Variants in DCC observed in about 807,000 individuals in gnomAD.
DCC encodes the protein netrin receptor DCC.
Under a neutral mutation model 172.5 loss-of-function variants are expected in DCC, and 58 were observed. The observed-to-expected ratio is 0.34, with a 90% CI of 0.27 to 0.42. The LOEUF (loss-of-function observed/expected upper bound fraction) is 0.42. DCC is among the 10% of genes least tolerant of loss of function. DCC has a pLI of 1.00. For missense variants in DCC, 1,740 were observed against 1,791.0 expected (o/e 0.97, Z 0.51); for synonymous variants, 709 against 644.5 (o/e 1.10, Z -1.52).
intron 12 of DCC, among the ~76,000 whole-genome samples, chr18:53,254,420 T>TCCCAGAGCTATCAGCA (rs966010802): frequency 6.6e-6 from 1 of 152,002 alleles, no homozygotes; most frequent in African/African-American, 2.4e-5. Context: ...GAAAGGTAGA[T>TCCCAGAGCTATCAGCA]CCCAGAGCTA....
intron 1 of DCC, among the ~76,000 whole-genome samples, chr18:52,404,330 T>C (rs1453623665): frequency 6.6e-6 from 1 of 152,092 alleles, no homozygotes; most frequent in African/African-American, 2.4e-5. Flanking sequence ...CTGAAGAGAA[T>C]GGGTTAGTAC....
intron 1 of DCC, among the ~76,000 whole-genome samples, chr18:52,546,282 T>C (rs767778436): frequency 6.6e-5 from 10 of 152,094 alleles, no homozygotes; most frequent in Non-Finnish European, 1.2e-4. Flanking sequence ...TTGATGGGGA[T>C]GTGTGGATGC....
At chr18:52,362,091 G>A (rs1813833939) in intron 1 of DCC, among the ~76,000 whole-genome samples, 1 of 152,166 alleles carries the variant, frequency 6.6e-6, no homozygotes, top group African/African-American at 2.4e-5. Context: ...AATTATGCAT[G>A]GCTTGATGTT....
intron 2 of DCC, among the ~76,000 whole-genome samples, chr18:52,857,582 G>A (rs189192140): frequency 3.5e-4 from 53 of 152,020 alleles, no homozygotes; most frequent in Non-Finnish European, 5.4e-4. Flanking sequence ...AGGGTAATTC[G>A]AATTTAACAT....
At chr18:53,140,279 T>A (rs375571640) in intron 7 of DCC, among the ~76,000 whole-genome samples, 96 of 152,328 alleles carry the variant, frequency 6.3e-4, no homozygotes, top group African/African-American at 2.1e-3. Context: ...AAAACCCAAA[T>A]TAAACAAGCT....
intron 25 of DCC, among the ~76,000 whole-genome samples, chr18:53,478,048 GGAATAACACCAGTGAGGGTGAAGGATACA>G (rs1458860520): frequency 2.0e-5 from 3 of 152,204 alleles, no homozygotes; most frequent in Admixed American, 6.5e-5. Flanking sequence ...AGTGCTTTCT[GGAATAACACCAGTGAGGGTGAAGGATACA>G]GAATAACACC....
intron 2 of DCC, among the ~76,000 whole-genome samples, chr18:52,803,461 C>G (rs771840064): frequency 6.6e-6 from 1 of 152,116 alleles, no homozygotes; most frequent in South Asian, 2.1e-4. Flanking sequence ...TTACATTTCT[C>G]TCTACTGTGA....
intron 2 of DCC, among the ~76,000 whole-genome samples, chr18:52,761,198 G>A (rs1245702184): frequency 6.6e-6 from 1 of 152,180 alleles, no homozygotes; most frequent in Non-Finnish European, 1.5e-5. Context: ...CAAAGAGAGA[G>A]CTTGTGCAAG....
At chr18:53,012,183 T>C (rs1599026880) in intron 5 of DCC, among the ~76,000 whole-genome samples, 3 of 151,970 alleles carry the variant, frequency 2.0e-5, no homozygotes, top group South Asian at 2.1e-4. Flanking sequence ...ATTCTACTTC[T>C]AGGTATATAT....
intron 1 of DCC, among the ~76,000 whole-genome samples, chr18:52,442,740 A>G (rs1988006786): frequency 6.6e-6 from 1 of 152,264 alleles, no homozygotes; most frequent in African/African-American, 2.4e-5. Context: ...TGCAGAACTT[A>G]CTAATTACAA....
At chr18:52,534,904 T>C (rs1402765962) in intron 1 of DCC, among the ~76,000 whole-genome samples, 2 of 152,188 alleles carry the variant, frequency 1.3e-5, no homozygotes, top group Non-Finnish European at 2.9e-5. Flanking sequence ...CTTCCCATTG[T>C]AACTTTTGTC....
At position 52,927,157 on chromosome 18, in the gene DCC, A is replaced by G. The variant is rs1221533449; in HGVS notation, c.985+1787A>G. Among the ~76,000 whole-genome samples, 22 of 22,396 alleles carry G rather than the reference A, an allele frequency of 9.8e-4. 3 individuals are homozygous for G. The highest frequency in any genetic ancestry group is 1.9e-3 in the African/African-American group (17 of 9,050). 14.7% of individuals were successfully genotyped at this position (22,396 alleles called of 152,430 possible). A position where few individuals can be genotyped will look rare whatever the true frequency, so the allele number is the denominator to read the frequency against. On this transcript the variant is annotated intron_variant, in intron 5 of 28. Transcript: ENST00000442544. ...TATACGTGTATATATGTGTATATAT[A>G]CGTATATATGTGTATATATGTGTAT...
At chr18:52,830,361 GT>G (rs2038591209) in intron 2 of DCC, among the ~76,000 whole-genome samples, 1 of 152,124 alleles carries the variant, frequency 6.6e-6, no homozygotes, top group Admixed American at 6.6e-5. Flanking sequence ...TTCTTCTAGT[GT>G]GTTCCAATGA....
intron 28 of DCC, 89 bp downstream of exon 28, chr18:53,526,848 TCACCCCAGGC>T (rs113173464): frequency 1.4e-5 from 13 of 959,092 alleles, no homozygotes; most frequent in East Asian, 4.9e-5. Flanking sequence ...TACTGTCCAT[TCACCCCAGGC>T]CACCCCAGGC....
intron 8 of DCC, among the ~76,000 whole-genome samples, chr18:53,170,872 G>C (rs2055003601): frequency 6.6e-6 from 1 of 152,016 alleles, no homozygotes; most frequent in Admixed American, 6.6e-5. Flanking sequence ...TTTGAGGTTT[G>C]TTTTTTGTTG....
chr18:52,459,818 T>C (rs925344435), intron 1 of DCC, among the ~76,000 whole-genome samples: 6 of 152,036 alleles, frequency 3.9e-5, no homozygotes, highest in African/African-American at 1.5e-4. Context: ...GATGATGGCC[T>C]CTAGCTCCAT....
intron 1 of DCC, among the ~76,000 whole-genome samples, chr18:52,341,948 G>A (rs1392405259): frequency 6.6e-6 from 1 of 152,166 alleles, no homozygotes; most frequent in Non-Finnish European, 1.5e-5. Flanking sequence ...CAGAGACCGG[G>A]CGTTGAGTAG....
chr18:52,598,299 C>G (rs927169666), intron 1 of DCC, among the ~76,000 whole-genome samples: 1 of 152,098 alleles, frequency 6.6e-6, no homozygotes. Flanking sequence ...GCTAAGGAAG[C>G]AAAGAGAGGG....
rs139136047 is a variant in DCC at position 52,725,175 on chromosome 18, A to G, written c.92-26879A>G. On this transcript the variant is annotated intron_variant, in intron 1 of 28. Transcript: ENST00000442544. ...CTGAGGCTCAGGCACCTTTTTCAGGAGGGAAGGAATGCTAGACTCAGGGAA... is the reference window on the plus strand; with the variant it reads ...CTGAGGCTCAGGCACCTTTTTCAGGGGGGAAGGAATGCTAGACTCAGGGAA... Among the ~76,000 whole-genome samples, 383 of 152,154 alleles carry G rather than the reference A, an allele frequency of 2.5e-3. 3 individuals are homozygous for G. The highest frequency in any genetic ancestry group is 8.6e-3 in the African/African-American group (357 of 41,526).
Sources: allele counts gnomAD v4.1 joint callset (sites outside exome capture counted in the v4.1 genomes callset), GRCh38; gene constraint gnomAD v4.1.1; transcripts MANE v1.5; gene names NCBI Gene and HGNC (gene_info 2026-07-23, HGNC 2026-07-21).